AARS1: variants seen among roughly 807,000 people sequenced by gnomAD.
AARS1 encodes the protein alanine--tRNA ligase, cytoplasmic.
Under a neutral mutation model 108.9 loss-of-function variants are expected in AARS1, and 72 were observed. That is an observed-to-expected ratio of 0.66 (90% confidence interval 0.55 to 0.80). AARS1 has a LOEUF of 0.80. AARS1 is among the 30% of genes least tolerant of loss of function. The pLI, the probability that AARS1 is intolerant of heterozygous loss-of-function variation, is 0.00. For synonymous variants in AARS1, 489 were observed against 465.7 expected (o/e 1.05, Z -0.64); for missense variants, 1,193 against 1,233.2 (o/e 0.97, Z 0.49).
intron 2 of AARS1, among the ~76,000 whole-genome samples, chr16:70,280,091 C>A (rs946935064): frequency 2.6e-5 from 4 of 152,030 alleles, no homozygotes; most frequent in Non-Finnish European, 5.9e-5. Flanking sequence ...TAATTTTTCT[C>A]TTTTCCTTTC....
intron 1 of AARS1, among the ~76,000 whole-genome samples, chr16:70,284,883 T>A (rs1960801549): frequency 6.6e-6 from 1 of 152,220 alleles, no homozygotes; most frequent in African/African-American, 2.4e-5. Flanking sequence ...CCTACTCAAC[T>A]GAGGTGTTGT....
chr16:70,269,567 A>G, intron 7 of AARS1, 51 bp downstream of exon 7: 2 of 1,609,086 alleles, frequency 1.2e-6, no homozygotes, highest in Non-Finnish European at 1.7e-6. Context: ...AGAGTCACAC[A>G]TAGCACACGT....
At chr16:70,267,559 T>G in intron 9 of AARS1, 100 bp downstream of exon 9, 1 of 1,449,908 alleles carries the variant, frequency 6.9e-7, no homozygotes, top group Non-Finnish European at 9.6e-7. Flanking sequence ...ATGTTCAGCC[T>G]CAGAGACATG....
chr16:70,260,178 G>T (rs1221011454), intron 13 of AARS1, among the ~76,000 whole-genome samples: 1 of 152,152 alleles, frequency 6.6e-6, no homozygotes, highest in Non-Finnish European at 1.5e-5. Context: ...AGGAACATGT[G>T]GTCAGCAAAG....
rs929330204 is a variant in AARS1, at chr16:70,254,648, C to T, written c.2373G>A (p.Val791=). The change falls in exon 17 of 21, where the codon GTG becomes GTA. Residue 791 remains valine, a synonymous_variant. Coordinates refer to ENST00000261772, the MANE Select transcript of AARS1 (RefSeq NM_001605.3). ...VKAQTAPNKD[V]QREIADLGEA... Reference sequence around the variant, plus strand: ...CTCCAAGGTCAGCGATCTCCCTCTGCACATCCTTGTTTGGAGCAGTCTGAG... The same window carrying T: ...CTCCAAGGTCAGCGATCTCCCTCTGTACATCCTTGTTTGGAGCAGTCTGAG... 4 of 1,613,956 alleles carry T rather than the reference C, an allele frequency of 2.5e-6. No individual in the cohort carries two copies. The highest frequency in any genetic ancestry group is 3.4e-6 in the Non-Finnish European group (4 of 1,179,936).
At chr16:70,286,115 A>T (rs969421145) in intron 1 of AARS1, among the ~76,000 whole-genome samples, 1 of 152,186 alleles carries the variant, frequency 6.6e-6, no homozygotes, top group Non-Finnish European at 1.5e-5. Flanking sequence ...ATGAAGGCTG[A>T]AACTATTAAA....
In AARS1 at chr16:70,282,680, C is replaced by T. The variant is rs781488034; in HGVS notation, c.84G>A (p.Ser28=). 11 of 1,614,132 alleles carry T rather than the reference C, an allele frequency of 6.8e-6. No homozygotes were observed. Among genetic ancestry groups the T allele is most frequent in the South Asian group, 3.3e-5 (3 of 91,084 alleles). ...FKRNEHTYVH[S]SATIPLDDPT... is the part of the protein sequence containing the mutation. Reference sequence around the variant, plus strand: ...GGTCATCCAATGGGATGGTGGCAGACGAGTGAACATACGTATGCTCGTTCC... The same window carrying T: ...GGTCATCCAATGGGATGGTGGCAGATGAGTGAACATACGTATGCTCGTTCC... The change falls in exon 2 of 21, where the codon TCG becomes TCA. Residue 28 remains serine (S), a synonymous_variant. Coordinates refer to ENST00000261772, the MANE Select transcript of AARS1 (RefSeq NM_001605.3).
intron 4 of AARS1, among the ~76,000 whole-genome samples, chr16:70,273,288 G>C (rs1228505318): frequency 6.6e-6 from 1 of 152,090 alleles, no homozygotes; most frequent in Non-Finnish European, 1.5e-5. Flanking sequence ...TGTCTACAGA[G>C]GGCACACACC....
chr16:70,259,454 G>A (rs1191115349), intron 13 of AARS1, among the ~76,000 whole-genome samples: 1 of 152,116 alleles, frequency 6.6e-6, no homozygotes, highest in Non-Finnish European at 1.5e-5. Context: ...ATTGCCAAAT[G>A]ACGGCCGATG....
Position 70,271,854 on chromosome 16 carries a change from C to G in AARS1, c.598G>C (p.Ala200Pro). The change falls in exon 5 of 21, where the codon GCC becomes CCC. Residue 200 changes from alanine (A) to proline (P), a missense_variant. Physicochemically the swap from Ala to Pro is conservative, Grantham distance 27. Coordinates refer to ENST00000261772, the MANE Select transcript of AARS1 (RefSeq NM_001605.3). Reference protein sequence around the residue: ...IHYDRIGGRDAAHLVNQDDPN... With the variant: ...IHYDRIGGRDPAHLVNQDDPN... ...TCGTCCTGGTTGACAAGATGTGCGG[C>G]GTCCCGACCACCAATCCGGTCGTAG... 1 of 1,613,888 alleles carries G rather than the reference C, an allele frequency of 6.2e-7. No homozygotes were observed. Among genetic ancestry groups the G allele is most frequent in the Non-Finnish European group, 8.5e-7 (1 of 1,179,840 alleles).
At chr16:70,285,834 G>A (rs549885105) in intron 1 of AARS1, among the ~76,000 whole-genome samples, 1 of 152,256 alleles carries the variant, frequency 6.6e-6, no homozygotes, top group Non-Finnish European at 1.5e-5. Context: ...AAGGTGTTGG[G>A]ATGGCATGAG....
Position 70,258,232 on chromosome 16 carries a change from A to C in AARS1, c.1993-15T>G, listed in dbSNP as rs1208484907. On this transcript the variant is annotated splice_polypyrimidine_tract_variant and intron_variant, in intron 14 of 20. Transcript: ENST00000261772. The stretch of plus-strand genomic sequence containing the variant: ...GTATAGACGGCCTGCCAGACCAAGA[A>C]GACAGAAAAGAGCTGGAAGAGATCC... The C allele has an allele frequency of 3.2e-6, 5 of 1,575,120 alleles. No homozygotes were observed. Among genetic ancestry groups the C allele is most frequent in the African/African-American group, 1.4e-5 (1 of 73,856 alleles).
At chr16:70,259,391 A>G (rs1054264297) in intron 13 of AARS1, among the ~76,000 whole-genome samples, 1 of 152,214 alleles carries the variant, frequency 6.6e-6, no homozygotes, top group Non-Finnish European at 1.5e-5. Context: ...GATGTCTACC[A>G]TTAAAGGGAT....
chr16:70,255,305 T>C (rs1023101396), intron 16 of AARS1, among the ~76,000 whole-genome samples: 1 of 150,018 alleles, frequency 6.7e-6, no homozygotes, highest in African/African-American at 2.5e-5. Flanking sequence ...GTTCAAGTGA[T>C]TCTCCTGCCC....
In AARS1 at chr16:70,258,193, G is replaced by T; in HGVS notation, c.2017C>A (p.Leu673Met). 1 of 1,600,828 alleles carries T rather than the reference G, an allele frequency of 6.2e-7. No individual in the cohort carries two copies. ...CCCTGGATGGCTTTCGCTGCTGCCAGGGGGCAATCCTGGGTATAGACGGCC... is the reference window on the plus strand; with the variant it reads ...CCCTGGATGGCTTTCGCTGCTGCCATGGGGCAATCCTGGGTATAGACGGCC... Reference protein sequence around the residue: ...AKAVYTQDCPLAAAKAIQGLR... With the variant: ...AKAVYTQDCPMAAAKAIQGLR... The change falls in exon 15 of 21, where the codon CTG becomes ATG. Residue 673 changes from leucine (L) to methionine (M), a missense_variant. Transcript: ENST00000261772.
chr16:70,277,882 A>G (rs1485321200), intron 2 of AARS1, among the ~76,000 whole-genome samples: 1 of 151,666 alleles, frequency 6.6e-6, no homozygotes, highest in Non-Finnish European at 1.5e-5. Context: ...CCTCCCAAGT[A>G]GCTGAGATTA....
chr16:70,257,723 C>T (rs2152153249), intron 15 of AARS1, among the ~76,000 whole-genome samples: 1 of 152,340 alleles, frequency 6.6e-6, no homozygotes, highest in Middle Eastern at 3.4e-3. Context: ...CTTGCTGAAT[C>T]CCAAATTCAC....
intron 2 of AARS1, among the ~76,000 whole-genome samples, chr16:70,280,870 C>G (rs1960680529): frequency 6.6e-6 from 1 of 152,190 alleles, no homozygotes; most frequent in Admixed American, 6.6e-5. Context: ...CTCTGTTGTG[C>G]AGGCTGAAGT....
At position 70,255,839 on chromosome 16, in the gene AARS1, G is replaced by A; in HGVS notation, c.2178-3C>T. 1.2e-6 allele frequency: 2 copies of A among 1,611,780 alleles called. No homozygotes were observed. The highest frequency in any genetic ancestry group is 1.7e-6 in the Non-Finnish European group (2 of 1,178,914). On this transcript the variant is annotated splice_polypyrimidine_tract_variant and splice_region_variant and intron_variant, in intron 15 of 20. Coordinates refer to ENST00000261772, the MANE Select transcript of AARS1 (RefSeq NM_001605.3). ...CATGACTCGAGTTCCGCAGGTGCCTGAATGGCAGAACACAAAGTCCATAGT... is the reference window on the plus strand; with the variant it reads ...CATGACTCGAGTTCCGCAGGTGCCTAAATGGCAGAACACAAAGTCCATAGT...
Sources: gnomAD v4.1 joint callset for allele counts (sites outside exome capture counted in the v4.1 genomes callset) on GRCh38, gnomAD v4.1.1 for gene constraint, MANE v1.5 for transcripts, NCBI Gene and HGNC (gene_info 2026-07-23, HGNC 2026-07-21) for gene names.